The following JAKMIP2 variants were observed in gnomAD, a reference collection of about 807,000 sequenced individuals.
JAKMIP2 encodes the protein janus kinase and microtubule-interacting protein 2.
In JAKMIP2, 25 loss-of-function variants were observed where a neutral mutation model predicts 115.0. The observed-to-expected ratio is 0.22, with a 90% CI of 0.16 to 0.30. The LOEUF (loss-of-function observed/expected upper bound fraction) is 0.30, where lower values mean the gene tolerates loss of function less well. Among genes scored for constraint, JAKMIP2 ranks in the 10% least tolerant of loss-of-function variants. JAKMIP2 has a pLI of 1.00. For synonymous variants in JAKMIP2, 334 were observed against 343.6 expected (o/e 0.97, Z 0.31); for missense variants, 642 against 957.6 (o/e 0.67, Z 4.35).
At chr5:147,619,851 T>C (rs908941762) in intron 18 of JAKMIP2, among the ~76,000 whole-genome samples, 2 of 152,230 alleles carry the variant, frequency 1.3e-5, no homozygotes, top group African/African-American at 4.8e-5. Context: ...AAAGTTCTTA[T>C]ATTCTCTAAA....
In JAKMIP2 at chr5:147,636,019, C is replaced by T. The variant is rs114442448; in HGVS notation, c.1677+203G>A. On this transcript the variant is annotated intron_variant, in intron 12 of 21. Coordinates refer to ENST00000616793, the MANE Select transcript of JAKMIP2 (RefSeq NM_001270941.2). The stretch of plus-strand genomic sequence containing the variant: ...CCTTTCAAGTCTGCACAATGCCCAG[C>T]GCAGAGCCATGCACACGTGCCACTT... Among the ~76,000 whole-genome samples the T allele has an allele frequency of 2.6e-3, 396 of 152,228 alleles. 1 individual carries two copies. Among genetic ancestry groups the T allele is most frequent in the Non-Finnish European group, 4.2e-3 (287 of 68,026 alleles).
chr5:147,635,915 G>T (rs1757593821), intron 12 of JAKMIP2, among the ~76,000 whole-genome samples: 1 of 152,158 alleles, frequency 6.6e-6, no homozygotes, highest in South Asian at 2.1e-4. Context: ...ACGTGTGTGT[G>T]TGCGTGTATG....
intron 1 of JAKMIP2, among the ~76,000 whole-genome samples, chr5:147,759,177 T>C (rs543398426): frequency 4.1e-5 from 6 of 145,814 alleles, no homozygotes; most frequent in African/African-American, 1.0e-4. Flanking sequence ...TGTTATCTAA[T>C]AATGAAAACA....
intron 1 of JAKMIP2, among the ~76,000 whole-genome samples, chr5:147,742,801 T>C (rs545133083): frequency 3.2e-4 from 49 of 152,222 alleles, no homozygotes; most frequent in African/African-American, 1.2e-3. Flanking sequence ...ACTGAGTTGT[T>C]AATGATCCCT....
intron 21 of JAKMIP2, among the ~76,000 whole-genome samples, chr5:147,593,428 G>C (rs1755196029): frequency 6.6e-6 from 1 of 152,202 alleles, no homozygotes; most frequent in African/African-American, 2.4e-5. Context: ...CACTGTCAAA[G>C]GAGCTGAGAG....
chr5:147,605,208 T>A (rs1406234808), intron 20 of JAKMIP2, among the ~76,000 whole-genome samples: 22 of 1,964 alleles, frequency 0.011, no homozygotes, highest in Non-Finnish European at 0.075. Flanking sequence ...GCCACATTTT[T>A]TTTTTTTTTT....
chr5:147,641,034 A>G (rs550843899), intron 8 of JAKMIP2, among the ~76,000 whole-genome samples: 1 of 152,332 alleles, frequency 6.6e-6, no homozygotes, highest in East Asian at 1.9e-4. Flanking sequence ...AGAAAAATTC[A>G]TAATATGTAG....
At chr5:147,599,768 T>C (rs540873694) in intron 21 of JAKMIP2, among the ~76,000 whole-genome samples, 23 of 152,276 alleles carry the variant, frequency 1.5e-4, no homozygotes, top group African/African-American at 5.1e-4. Context: ...TGGTTAGAAG[T>C]GGATTCTGGG....
At chr5:147,782,353 C>G (rs1194459641) in intron 1 of JAKMIP2, 103 bp downstream of exon 1, 1 of 1,183,402 alleles carries the variant, frequency 8.5e-7, no homozygotes, top group Non-Finnish European at 1.2e-6. Flanking sequence ...CCCTTCTAGT[C>G]TGAGGCACGG....
At chr5:147,605,402 G>C (rs1172274205) in intron 20 of JAKMIP2, among the ~76,000 whole-genome samples, 4 of 151,810 alleles carry the variant, frequency 2.6e-5, no homozygotes, top group Admixed American at 2.0e-4. Flanking sequence ...GTAGAGACAG[G>C]GTTTCACCGT....
At chr5:147,746,034 A>T (rs1754335785) in intron 1 of JAKMIP2, among the ~76,000 whole-genome samples, 1 of 152,212 alleles carries the variant, frequency 6.6e-6, no homozygotes, top group Non-Finnish European at 1.5e-5. Flanking sequence ...TGTTGAAGAT[A>T]GAAGTTTCCA....
At chr5:147,660,318 C>A in intron 3 of JAKMIP2, 1 of 294,414 alleles carries the variant, frequency 3.4e-6, no homozygotes, top group Non-Finnish European at 6.9e-6. Flanking sequence ...CTATAAATAG[C>A]AAACAACCTA....
intron 1 of JAKMIP2, among the ~76,000 whole-genome samples, chr5:147,722,309 G>A (rs1206331767): frequency 6.6e-6 from 1 of 152,086 alleles, no homozygotes; most frequent in Non-Finnish European, 1.5e-5. Flanking sequence ...ACAGGATTCA[G>A]GTTTGTCTCT....
chr5:147,767,195 C>G (rs1203904931), intron 1 of JAKMIP2, among the ~76,000 whole-genome samples: 1 of 152,026 alleles, frequency 6.6e-6, no homozygotes, highest in Admixed American at 6.6e-5. Flanking sequence ...CACGCGTGCA[C>G]GCACACACAC....
intron 1 of JAKMIP2, among the ~76,000 whole-genome samples, chr5:147,707,426 A>G (rs1415664231): frequency 2.6e-5 from 4 of 152,178 alleles, no homozygotes; most frequent in South Asian, 4.1e-4. Context: ...ACATGCTACA[A>G]TAAGTATATC....
At chr5:147,770,268 A>G (rs1321728306) in intron 1 of JAKMIP2, among the ~76,000 whole-genome samples, 2 of 152,108 alleles carry the variant, frequency 1.3e-5, no homozygotes, top group Admixed American at 6.6e-5. Context: ...TGTGATCCAT[A>G]TATCTGTATA....
In JAKMIP2 at chr5:147,756,611, G is replaced by A. The variant is rs186841153; in HGVS notation, c.-149+25845C>T. Among the ~76,000 whole-genome samples the A allele has an allele frequency of 3.0e-4, 46 of 152,140 alleles. No homozygotes were observed. In the East Asian group the frequency reaches 8.9e-3, roughly 29 times the overall value. On this transcript the variant is annotated intron_variant, in intron 1 of 21. Coordinates refer to ENST00000616793, the MANE Select transcript of JAKMIP2 (RefSeq NM_001270941.2). Reference sequence around the variant, plus strand: ...ATTCTTTTCCACTCAATGCAGACTGGGACAGGTAAAGGGAGAACAAACACT... The same window carrying A: ...ATTCTTTTCCACTCAATGCAGACTGAGACAGGTAAAGGGAGAACAAACACT...
chr5:147,673,559 T>C (rs967706337), intron 1 of JAKMIP2, among the ~76,000 whole-genome samples: 1 of 152,180 alleles, frequency 6.6e-6, no homozygotes, highest in African/African-American at 2.4e-5. Context: ...AGGATGAGAC[T>C]GTCGGCAGCA....
intron 1 of JAKMIP2, among the ~76,000 whole-genome samples, chr5:147,769,453 T>G (rs1755270331): frequency 1.3e-5 from 2 of 152,110 alleles, no homozygotes; most frequent in South Asian, 2.1e-4. Flanking sequence ...TTGTTAGAGC[T>G]TTTCAATAAA....
Sources: allele counts gnomAD v4.1 joint callset (sites outside exome capture counted in the v4.1 genomes callset), GRCh38; gene constraint gnomAD v4.1.1; transcripts MANE v1.5; gene names NCBI Gene and HGNC (gene_info 2026-07-23, HGNC 2026-07-21).